SLC30A8: variants seen among roughly 807,000 people sequenced by gnomAD.
SLC30A8 encodes solute carrier family 30 member 8, also known as proton-coupled zinc antiporter SLC30A8.
Under a neutral mutation model 36.9 loss-of-function variants are expected in SLC30A8, and 27 were observed. The ratio of observed to expected loss-of-function variants is 0.73; its 90% CI spans 0.54 to 1.01. The LOEUF (loss-of-function observed/expected upper bound fraction) is 1.01. Among genes scored for constraint, SLC30A8 ranks in the 50% least tolerant of loss-of-function variants. The probability of loss-of-function intolerance (pLI) is 0.00; values close to 1 mark genes in which losing one functional copy is unlikely to be tolerated. For missense variants in SLC30A8, 439 were observed against 452.0 expected (o/e 0.97, Z 0.26); for synonymous variants, 164 against 172.4 (o/e 0.95, Z 0.38).
At chr8:117,147,790 C>T (rs958528809) in intron 2 of SLC30A8, among the ~76,000 whole-genome samples, 1 of 152,088 alleles carries the variant, frequency 6.6e-6, no homozygotes. Flanking sequence ...CTTAATGACA[C>T]CTAATTTTAA....
At chr8:117,101,825 T>C (rs1057347045) in intron 2 of SLC30A8, among the ~76,000 whole-genome samples, 1 of 152,190 alleles carries the variant, frequency 6.6e-6, no homozygotes, top group Non-Finnish European at 1.5e-5. Flanking sequence ...TTCAAGTTCT[T>C]CAGCTTTGGG....
At chr8:117,118,357 G>A (rs899183017) in intron 2 of SLC30A8, among the ~76,000 whole-genome samples, 1 of 151,834 alleles carries the variant, frequency 6.6e-6, no homozygotes, top group Non-Finnish European at 1.5e-5. Context: ...TCACAGAGAG[G>A]TTATATGGTT....
rs117101044 is a variant in SLC30A8 at position 116,967,592 on chromosome 8, T to C, written c.-266+16473T>C. ...GTAATACTGTGTCTTTCAGAATTCA[T>C]AGGGGGTAATAAATGGGTACCTGAA... On this transcript the variant is annotated intron_variant, in intron 1 of 10. Transcript: ENST00000427715. Among the ~76,000 whole-genome samples, 160 of 152,248 alleles carry C rather than the reference T, an allele frequency of 1.1e-3. 5 individuals carry two copies. The East Asian group carries it at 0.03, about 28-fold the overall frequency.
intron 1 of SLC30A8, among the ~76,000 whole-genome samples, chr8:117,140,413 A>G (rs992012281): frequency 1.3e-5 from 2 of 152,102 alleles, no homozygotes; most frequent in African/African-American, 4.8e-5. Flanking sequence ...AACTCTAAGA[A>G]GAATCAAGCA....
intron 1 of SLC30A8, among the ~76,000 whole-genome samples, chr8:117,025,194 A>G (rs1406241913): frequency 1.3e-5 from 2 of 152,196 alleles, no homozygotes; most frequent in Non-Finnish European, 2.9e-5. Context: ...AGCCTTTACT[A>G]ATGTGTGCTC....
chr8:117,006,267 G>A (rs1169890140), intron 1 of SLC30A8, among the ~76,000 whole-genome samples: 1 of 152,138 alleles, frequency 6.6e-6, no homozygotes, highest in Non-Finnish European at 1.5e-5. Flanking sequence ...AAGTCTTGGG[G>A]GAGGCAGTTA....
At chr8:117,003,945 G>C (rs1816094100) in intron 1 of SLC30A8, among the ~76,000 whole-genome samples, 1 of 152,108 alleles carries the variant, frequency 6.6e-6, no homozygotes, top group Non-Finnish European at 1.5e-5. Flanking sequence ...ATTAAAGCCA[G>C]AATATTGAAT....
At chr8:117,049,633 T>G (rs954538548) in intron 2 of SLC30A8, among the ~76,000 whole-genome samples, 1 of 152,244 alleles carries the variant, frequency 6.6e-6, no homozygotes, top group Non-Finnish European at 1.5e-5. Flanking sequence ...CTGCCTGATA[T>G]GTGTTCCCAG....
chr8:117,048,170 C>T (rs932766462), intron 2 of SLC30A8, among the ~76,000 whole-genome samples: 1 of 152,126 alleles, frequency 6.6e-6, no homozygotes, highest in Non-Finnish European at 1.5e-5. Context: ...ATCCAAGAAC[C>T]CTCTCTTGGG....
chr8:116,964,510 G>T (rs1479570986), intron 1 of SLC30A8, among the ~76,000 whole-genome samples: 1 of 152,182 alleles, frequency 6.6e-6, no homozygotes, highest in East Asian at 1.9e-4. Flanking sequence ...CATATCTGGT[G>T]CACGTGGAGC....
intron 1 of SLC30A8, among the ~76,000 whole-genome samples, chr8:116,969,343 G>A (rs1007136578): frequency 6.6e-6 from 1 of 152,120 alleles, no homozygotes; most frequent in Non-Finnish European, 1.5e-5. Context: ...ACTTGAACCC[G>A]GGAGGTGGAG....
chr8:117,030,344 TTAAC>T (rs1182872258), intron 1 of SLC30A8, among the ~76,000 whole-genome samples: 1 of 152,198 alleles, frequency 6.6e-6, no homozygotes, highest in East Asian at 1.9e-4. Flanking sequence ...TTCTGCTCTC[TTAAC>T]TAATTTTTAG....
intron 2 of SLC30A8, among the ~76,000 whole-genome samples, chr8:117,068,369 G>A (rs995743003): frequency 6.6e-6 from 1 of 152,176 alleles, no homozygotes; most frequent in Non-Finnish European, 1.5e-5. Context: ...CATGCTAAAA[G>A]TGAACAAATG....
intron 2 of SLC30A8, among the ~76,000 whole-genome samples, chr8:117,111,634 A>G (rs367906312): frequency 2.0e-5 from 3 of 151,922 alleles, no homozygotes; most frequent in South Asian, 2.1e-4. Flanking sequence ...TTTTTCTTTC[A>G]AACTAGTGGT....
At position 117,048,327 on chromosome 8, in the gene SLC30A8, C is replaced by A. The variant is rs530570708; in HGVS notation, c.-226+9069C>A. Among the ~76,000 whole-genome samples the A allele has an allele frequency of 7.9e-5, 12 of 152,260 alleles. No homozygotes were observed. The East Asian group carries it at 2.3e-3, about 29-fold the overall frequency. ...AGATTTAAGCTCAGGAGATCAGTGACCCAATGACTGTTGGAACAGGATTGA... is the reference window on the plus strand; with the variant it reads ...AGATTTAAGCTCAGGAGATCAGTGAACCAATGACTGTTGGAACAGGATTGA... On this transcript the variant is annotated intron_variant, in intron 2 of 10. Coordinates refer to the SLC30A8 transcript ENST00000427715.
intron 2 of SLC30A8, among the ~76,000 whole-genome samples, chr8:117,102,911 C>T (rs1377645225): frequency 6.6e-6 from 1 of 151,982 alleles, no homozygotes; most frequent in Admixed American, 6.6e-5. Context: ...GGGGAGACAC[C>T]ACTCAACTCA....
chr8:117,084,335 C>T (rs772692117), intron 2 of SLC30A8, among the ~76,000 whole-genome samples: 1 of 152,110 alleles, frequency 6.6e-6, no homozygotes, highest in Non-Finnish European at 1.5e-5. Flanking sequence ...CCATGTTCCC[C>T]AAGTTTTGTA....
chr8:117,030,120 TGACCC>T (rs1311349993), intron 1 of SLC30A8, among the ~76,000 whole-genome samples: 1 of 152,130 alleles, frequency 6.6e-6, no homozygotes, highest in African/African-American at 2.4e-5. Context: ...AATAAAGAAG[TGACCC>T]TCAGTCGTTC....
chr8:117,005,392 C>A (rs188398085), intron 1 of SLC30A8, among the ~76,000 whole-genome samples: 1 of 152,172 alleles, frequency 6.6e-6, no homozygotes, highest in East Asian at 1.9e-4. Flanking sequence ...TGTTGTAGTA[C>A]GTATCAGTGT....
Sources: gnomAD v4.1 joint callset for allele counts (sites outside exome capture counted in the v4.1 genomes callset) on GRCh38, gnomAD v4.1.1 for gene constraint, MANE v1.5 for transcripts, NCBI Gene and HGNC (gene_info 2026-07-23, HGNC 2026-07-21) for gene names.